The following PDE1A variants were observed in gnomAD, a reference collection of about 807,000 sequenced individuals.
PDE1A encodes phosphodiesterase 1A.
PDE1A carries 35 observed loss-of-function variants against 61.7 expected under a neutral mutation model. The observed-to-expected ratio is 0.57, with a 90% CI of 0.43 to 0.75. The LOEUF (loss-of-function observed/expected upper bound fraction) is 0.75, where lower values mean the gene tolerates loss of function less well. PDE1A is among the 30% of genes least tolerant of loss of function. PDE1A has a pLI of 0.00. For synonymous variants in PDE1A, 232 were observed against 213.2 expected (o/e 1.09, Z -0.77); for missense variants, 597 against 630.6 (o/e 0.95, Z 0.57).
chr2:182,251,244 C>T (rs550479588), intron 2 of PDE1A, among the ~76,000 whole-genome samples: 9 of 152,194 alleles, frequency 5.9e-5, no homozygotes, highest in East Asian at 1.9e-4. Context: ...ATATTTCATC[C>T]GCGTGAGACT....
chr2:182,415,042 G>A (rs1419546177), intron 1 of PDE1A, among the ~76,000 whole-genome samples: 2 of 151,944 alleles, frequency 1.3e-5, no homozygotes, highest in South Asian at 2.1e-4. Flanking sequence ...GATTATTATT[G>A]AAGTAAACAT....
Position 182,216,279 on chromosome 2 carries a change from A to C in PDE1A, c.776+7585T>G, listed in dbSNP as rs1688174945. On this transcript the variant is annotated intron_variant, in intron 7 of 13. Coordinates refer to ENST00000351439, the Ensembl canonical transcript of PDE1A. ...ATGGGACATATTTCAAAATAGTAAG[A>C]GCTATCTATGACAAACCCACAGCCA... 3.2e-5 allele frequency among the ~76,000 whole-genome samples: 2 copies of C among 62,714 alleles called. 1 individual carries two copies. Among genetic ancestry groups the C allele is most frequent in the African/African-American group, 1.2e-4 (2 of 17,182 alleles). The allele number at this position is 62,714 out of a possible 152,430, so 41.1% of individuals were successfully genotyped here.
downstream of PDE1A, chr2:182,147,010 G>T: frequency 9.9e-7 from 1 of 1,013,078 alleles, no homozygotes; most frequent in Non-Finnish European, 1.5e-6. Flanking sequence ...TAGAAGTTAA[G>T]TTTCTGGTCT....
chr2:182,389,457 T>G (rs1364114800), intron 1 of PDE1A, among the ~76,000 whole-genome samples: 1 of 152,094 alleles, frequency 6.6e-6, no homozygotes, highest in Admixed American at 6.5e-5. Context: ...GAATATACAT[T>G]TCTCAAAGAA....
the PDE1A span, among the ~76,000 whole-genome samples, chr2:182,671,019 T>A: frequency 6.6e-6 from 1 of 152,066 alleles, no homozygotes; most frequent in East Asian, 1.9e-4. Flanking sequence ...GGTTTCACGA[T>A]GTTGGCCAGG....
At chr2:182,336,488 CA>C (rs1226684819) in intron 1 of PDE1A, among the ~76,000 whole-genome samples, 3 of 152,012 alleles carry the variant, frequency 2.0e-5, no homozygotes, top group Non-Finnish European at 4.4e-5. Context: ...TGAAGCTGAA[CA>C]CCATCATTCT....
At chr2:182,164,755 C>A (rs937167386), downstream of PDE1A, among the ~76,000 whole-genome samples, 18 of 152,106 alleles carry the variant, frequency 1.2e-4, no homozygotes, top group African/African-American at 4.3e-4. Context: ...TTCCCCAGGG[C>A]AGATTGATTC....
chr2:182,558,801 CT>C, the PDE1A span, among the ~76,000 whole-genome samples: 1 of 152,166 alleles, frequency 6.6e-6, no homozygotes, highest in African/African-American at 2.4e-5. Context: ...ATCATGCAGT[CT>C]TCCATAAAAG....
At chr2:182,670,300 G>C in the PDE1A span, among the ~76,000 whole-genome samples, 8 of 152,260 alleles carry the variant, frequency 5.3e-5, no homozygotes, top group East Asian at 1.5e-3. Flanking sequence ...ACAAGGACTA[G>C]TATTTCTCAA....
the PDE1A span, among the ~76,000 whole-genome samples, chr2:182,606,179 T>C: frequency 6.6e-6 from 1 of 152,188 alleles, no homozygotes; most frequent in East Asian, 1.9e-4. Context: ...GTTATTTATT[T>C]GTTTGTTTTT....
At chr2:182,377,173 A>G (rs1328593164) in intron 1 of PDE1A, among the ~76,000 whole-genome samples, 1 of 152,208 alleles carries the variant, frequency 6.6e-6, no homozygotes, top group Non-Finnish European at 1.5e-5. Flanking sequence ...GTAATCCCCA[A>G]TGCTGGAAGT....
chr2:182,653,566 G>T, the PDE1A span, among the ~76,000 whole-genome samples: 1 of 152,118 alleles, frequency 6.6e-6, no homozygotes, highest in Admixed American at 6.6e-5. Flanking sequence ...TGAATGAGGT[G>T]TTGCAGAAAC....
the PDE1A span, among the ~76,000 whole-genome samples, chr2:182,531,270 AATCC>A: frequency 6.6e-6 from 1 of 152,068 alleles, no homozygotes; most frequent in South Asian, 2.1e-4. Context: ...TCAAGACTTA[AATCC>A]TAACATGTCA....
chr2:182,430,970 G>C (rs150378578), upstream of PDE1A, among the ~76,000 whole-genome samples: 3,053 of 124,408 alleles, frequency 0.025, 47 homozygotes, highest in Middle Eastern at 0.065. Flanking sequence ...GGTCGGGGAG[G>C]GGGGAGGGAT....
At chr2:182,250,565 T>TA (rs887175757) in intron 2 of PDE1A, among the ~76,000 whole-genome samples, 62 of 152,074 alleles carry the variant, frequency 4.1e-4, no homozygotes, top group African/African-American at 1.4e-3. Context: ...AGCTTTTTTT[T>TA]AAAAAAAAGT....
At chr2:182,245,939 G>C (rs916660712) in intron 2 of PDE1A, among the ~76,000 whole-genome samples, 1 of 152,094 alleles carries the variant, frequency 6.6e-6, no homozygotes, top group Non-Finnish European at 1.5e-5. Flanking sequence ...CACCTGTAAC[G>C]AATGAGCCAG....
chr2:182,585,027 C>T, the PDE1A span, among the ~76,000 whole-genome samples: 1 of 152,164 alleles, frequency 6.6e-6, no homozygotes, highest in African/African-American at 2.4e-5. Flanking sequence ...TTTTGAAAAA[C>T]GTTATAAAGC....
the PDE1A span, among the ~76,000 whole-genome samples, chr2:182,682,154 TGA>T: frequency 6.6e-6 from 1 of 152,200 alleles, no homozygotes; most frequent in East Asian, 1.9e-4. Flanking sequence ...GCCTTTTACC[TGA>T]GAGAGATTGT....
intron 13 of PDE1A, among the ~76,000 whole-genome samples, chr2:182,156,919 A>C (rs1360119396): frequency 2.0e-5 from 3 of 151,924 alleles, no homozygotes; most frequent in Non-Finnish European, 4.4e-5. Flanking sequence ...TATGCTTAAA[A>C]AATCAAAAGA....
Sources: gnomAD v4.1 joint callset for allele counts (sites outside exome capture counted in the v4.1 genomes callset) on GRCh38, gnomAD v4.1.1 for gene constraint, MANE v1.5 for transcripts, NCBI Gene and HGNC (gene_info 2026-07-23, HGNC 2026-07-21) for gene names.